EFHD2: variants seen among roughly 807,000 people sequenced by gnomAD.
EFHD2 encodes EF-hand domain family member D2.
A neutral mutation model predicts 20.3 loss-of-function variants in EFHD2; 12 were observed. The ratio of observed to expected loss-of-function variants is 0.59; its 90% confidence interval spans 0.38 to 0.96. The LOEUF is 0.96. Among genes scored for constraint, EFHD2 ranks in the 40% least tolerant of loss-of-function variants. EFHD2 has a pLI of 0.00. For missense variants in EFHD2, 250 were observed against 334.3 expected (o/e 0.75, Z 1.97); for synonymous variants, 131 against 143.9 (o/e 0.91, Z 0.64).
chr1:15,427,173 G>A lies in EFHD2; in HGVS notation c.480G>A (p.Ala160=), dbSNP rs975214592. Reference sequence around the variant, plus strand: ...AGTTCCTCCTGATCTTCCGCAAGGCGGCGGCCGGGGAGCTTCAGGAGGACA... The same window carrying A: ...AGTTCCTCCTGATCTTCCGCAAGGCAGCGGCCGGGGAGCTTCAGGAGGACA... The part of the protein sequence containing the change: ...FREFLLIFRK[A]AAGELQEDSG... The change falls in exon 3 of 4, where the codon GCG becomes GCA. Residue 160 remains alanine (A), a synonymous_variant. Transcript: ENST00000375980. 2.0e-5 allele frequency: 33 copies of A among 1,611,120 alleles called. No homozygotes were observed. Among genetic ancestry groups the A allele is most frequent in the East Asian group, 4.5e-5 (2 of 44,796 alleles).
chr1:15,417,989 T>C (rs925427988), intron 1 of EFHD2, among the ~76,000 whole-genome samples: 7 of 137,840 alleles, frequency 5.1e-5, no homozygotes, highest in African/African-American at 1.3e-4. Context: ...TTCTTTTTTT[T>C]TTTTTTTTTT....
chr1:15,410,178 C>T lies in EFHD2; in HGVS notation c.207C>T (p.Ile69=). 6.2e-7 allele frequency: 1 copy of T among 1,605,024 alleles called. No individual in the cohort carries two copies. Among genetic ancestry groups the T allele is most frequent in the African/African-American group, 1.4e-5 (1 of 73,588 alleles). ...GGCGCGCAGACCTCAACCAGGGCAT[C>T]GGCGAGCCCCAGTCGCCCAGCCGCC... ...LLRRADLNQG[I]GEPQSPSRRV... The change falls in exon 1 of 4, where the codon ATC becomes ATT. Residue 69 remains isoleucine (I), a synonymous_variant. Transcript: ENST00000375980.
At chr1:15,410,574 T>A (rs367670016) in intron 1 of EFHD2, among the ~76,000 whole-genome samples, 2 of 152,198 alleles carry the variant, frequency 1.3e-5, no homozygotes, top group South Asian at 2.1e-4. Flanking sequence ...CCAGGCTTCC[T>A]TCCAGATAAT....
intron 1 of EFHD2, 152 bp from the exon 2 acceptor site, chr1:15,425,719 G>A: frequency 9.2e-7 from 1 of 1,090,552 alleles, no homozygotes; most frequent in Non-Finnish European, 1.3e-6. Flanking sequence ...GCCACATATG[G>A]GTCCTCTGCC....
chr1:15,421,949 C>G (rs1209458735), intron 1 of EFHD2, among the ~76,000 whole-genome samples: 1 of 152,156 alleles, frequency 6.6e-6, no homozygotes, highest in African/African-American at 2.4e-5. Context: ...ATGCAGCTAG[C>G]TCTGTGCGCT....
intron 2 of EFHD2, 21 bp from the exon 3 acceptor site, chr1:15,427,129 G>T (rs372324856): frequency 2.9e-5 from 46 of 1,609,270 alleles, no homozygotes; most frequent in Non-Finnish European, 3.7e-5. Context: ...CTGACACCGC[G>T]CGCCTCCCTC....
chr1:15,424,530 T>C (rs1707841519), intron 1 of EFHD2, among the ~76,000 whole-genome samples: 1 of 152,140 alleles, frequency 6.6e-6, no homozygotes, highest in South Asian at 2.1e-4. Context: ...GAGGCATCTC[T>C]ATCGCCCGAT....
intron 1 of EFHD2, among the ~76,000 whole-genome samples, chr1:15,415,678 C>A (rs753901112): frequency 6.6e-6 from 1 of 151,926 alleles, no homozygotes; most frequent in South Asian, 2.1e-4. Context: ...TGAGTAGAGA[C>A]GGGATTTCAC....
chr1:15,420,695 C>T (rs1295148144), intron 1 of EFHD2, among the ~76,000 whole-genome samples: 1 of 152,088 alleles, frequency 6.6e-6, no homozygotes, highest in East Asian at 1.9e-4. Context: ...AATTTCTACA[C>T]TTTTAGTAGA....
At chr1:15,424,335 C>T (rs915518492) in intron 1 of EFHD2, among the ~76,000 whole-genome samples, 4 of 152,204 alleles carry the variant, frequency 2.6e-5, no homozygotes, top group African/African-American at 9.7e-5. Flanking sequence ...GCCTCGCCCT[C>T]TTTCACCAGG....
At chr1:15,419,755 A>C (rs1707757047) in intron 1 of EFHD2, among the ~76,000 whole-genome samples, 1 of 152,190 alleles carries the variant, frequency 6.6e-6, no homozygotes, top group Non-Finnish European at 1.5e-5. Flanking sequence ...CTGGTGGGTG[A>C]GAGGCCCTCT....
chr1:15,424,928 T>C (rs1043816007), intron 1 of EFHD2, among the ~76,000 whole-genome samples: 1 of 152,210 alleles, frequency 6.6e-6, no homozygotes, highest in Admixed American at 6.5e-5. Context: ...CGGAGAATGC[T>C]TTTATCCTGC....
At chr1:15,419,341 G>A (rs561084151) in intron 1 of EFHD2, among the ~76,000 whole-genome samples, 8 of 152,358 alleles carry the variant, frequency 5.3e-5, no homozygotes, top group Admixed American at 4.6e-4. Context: ...TGCGGGCACG[G>A]TGCCAGGCCC....
chr1:15,414,434 C>T (rs78880003), intron 1 of EFHD2, among the ~76,000 whole-genome samples: 6,537 of 152,372 alleles, frequency 0.043, 186 homozygotes, highest in East Asian at 0.096. Context: ...TTCTGAGCTT[C>T]TGTTCCTCAC....
At chr1:15,412,499 G>T (rs1395531902) in intron 1 of EFHD2, among the ~76,000 whole-genome samples, 1 of 152,172 alleles carries the variant, frequency 6.6e-6, no homozygotes, top group Non-Finnish European at 1.5e-5. Context: ...TCCCCTTCCG[G>T]GTTTCCCATC....
intron 1 of EFHD2, among the ~76,000 whole-genome samples, chr1:15,411,807 C>A (rs1707526469): frequency 6.6e-6 from 1 of 152,138 alleles, no homozygotes; most frequent in African/African-American, 2.4e-5. Context: ...GTGTCAGCCT[C>A]AGCCACATGC....
At chr1:15,412,520 A>G (rs2496325) in intron 1 of EFHD2, among the ~76,000 whole-genome samples, 72,805 of 152,050 alleles carry the variant, frequency 0.48, 21,754 homozygotes, top group African/African-American at 0.86. Flanking sequence ...ACAGACATCT[A>G]CTTTCATGTT....
intron 2 of EFHD2, 97 bp from the exon 3 acceptor site, chr1:15,427,053 A>AGGG: frequency 6.7e-7 from 1 of 1,497,632 alleles, no homozygotes; most frequent in Non-Finnish European, 9.0e-7. Flanking sequence ...CCTTCTCTGC[A>AGGG]GGGGAGGCCT....
At chr1:15,427,017 C>A in intron 2 of EFHD2, 133 bp from the exon 3 acceptor site, 2 of 1,244,534 alleles carry the variant, frequency 1.6e-6, no homozygotes, top group Admixed American at 2.5e-5. Flanking sequence ...CAGCAAGGGG[C>A]GAGACCCAGC....
Sources: allele counts gnomAD v4.1 joint callset (sites outside exome capture counted in the v4.1 genomes callset), GRCh38; gene constraint gnomAD v4.1.1; transcripts MANE v1.5; gene names NCBI Gene and HGNC (gene_info 2026-07-23, HGNC 2026-07-21).